The following PXMP2 variants were observed in gnomAD, a reference collection of about 807,000 sequenced individuals.
PXMP2 encodes peroxisomal membrane protein 2.
A neutral mutation model predicts 20.2 loss-of-function variants in PXMP2; 13 were observed. The observed-to-expected ratio is 0.64, with a 90% CI of 0.42 to 1.02. The LOEUF is 1.02. PXMP2 is among the 50% of genes least tolerant of loss of function. PXMP2 has a pLI of 0.00. For missense variants in PXMP2, 284 were observed against 251.8 expected, an observed-to-expected ratio of 1.13 and a Z score of -0.87; for synonymous variants, 113 against 111.2, an observed-to-expected ratio of 1.02 and a Z score of -0.10.
At chr12:132,695,501 G>T (rs1267637931) in intron 2 of PXMP2, among the ~76,000 whole-genome samples, 3 of 152,178 alleles carry the variant, frequency 2.0e-5, no homozygotes, top group Admixed American at 6.5e-5. Flanking sequence ...CTGCCTTCTA[G>T]GGGGGACGAG....
chr12:132,690,738 G>A (rs1370307033), intron 2 of PXMP2, among the ~76,000 whole-genome samples: 1 of 152,008 alleles, frequency 6.6e-6, no homozygotes, highest in Non-Finnish European at 1.5e-5. Flanking sequence ...GTAGAGATGG[G>A]GTTTCACCAT....
chr12:132,693,067 G>C (rs1209954314), intron 2 of PXMP2, among the ~76,000 whole-genome samples: 4 of 35,182 alleles, frequency 1.1e-4, no homozygotes, highest in Admixed American at 2.1e-4. Context: ...CCCTTAGCCA[G>C]TTAGTTAGTG....
At chr12:132,692,132 C>G (rs1565990290) in intron 2 of PXMP2, among the ~76,000 whole-genome samples, 6 of 133,098 alleles carry the variant, frequency 4.5e-5, no homozygotes, top group Non-Finnish European at 5.1e-5. Context: ...GCTCCCTTAG[C>G]CAGTTAGTTA....
chr12:132,690,613 C>T (rs1406285757), intron 2 of PXMP2, among the ~76,000 whole-genome samples: 1 of 151,938 alleles, frequency 6.6e-6, no homozygotes, highest in Non-Finnish European at 1.5e-5. Context: ...CTCTGTCACC[C>T]AGGCTTACTG....
chr12:132,694,636 C>G (rs1456642347), intron 2 of PXMP2, among the ~76,000 whole-genome samples: 1 of 119,614 alleles, frequency 8.4e-6, no homozygotes, highest in Non-Finnish European at 1.7e-5. Context: ...TTAGAGAGCT[C>G]CCTTGCCAGT....
intron 4 of PXMP2, chr12:132,702,323 A>T (rs2136068844): frequency 5.1e-6 from 1 of 194,810 alleles, no homozygotes; most frequent in South Asian, 5.9e-5. Context: ...TGCATGAAGG[A>T]GCTGCTGTGG....
chr12:132,690,195 T>C, intron 1 of PXMP2, 68 bp from the exon 2 acceptor site: 3 of 1,309,070 alleles, frequency 2.3e-6, no homozygotes, highest in Non-Finnish European at 3.3e-6. Flanking sequence ...GCCCTGCTAA[T>C]TCACCTATGG....
At chr12:132,704,539 A>G in intron 4 of PXMP2, 80 bp from the exon 5 acceptor site, 1 of 1,177,298 alleles carries the variant, frequency 8.5e-7, no homozygotes, top group Non-Finnish European at 1.1e-6. Context: ...CGGGTAAACA[A>G]ATGAACTGGG....
At chr12:132,690,152 C>T in intron 1 of PXMP2, 111 bp from the exon 2 acceptor site, 2 of 780,680 alleles carry the variant, frequency 2.6e-6, no homozygotes, top group East Asian at 4.9e-5. Context: ...AGAATTCCTA[C>T]CCCCCGCCCA....
chr12:132,704,624 G>A lies in PXMP2; in HGVS notation c.525G>A (p.Arg175=). ...ININYVPLKF[R]VLFANLAALF... Reference sequence around the variant, plus strand: ...TGGACTGTTCTTTTCGGCAGTTCCGGGTGCTCTTCGCCAACCTGGCAGCTC... The same window carrying A: ...TGGACTGTTCTTTTCGGCAGTTCCGAGTGCTCTTCGCCAACCTGGCAGCTC... The change falls in exon 5 of 5, where the codon CGG becomes CGA. Residue 175 remains arginine (R), a synonymous_variant. Coordinates refer to ENST00000317479, the MANE Select transcript of PXMP2 (RefSeq NM_018663.3). 2 of 1,451,294 alleles carry A rather than the reference G, an allele frequency of 1.4e-6. No homozygotes were observed. Among genetic ancestry groups the A allele is most frequent in the Non-Finnish European group, 1.8e-6 (2 of 1,095,788 alleles). The allele number at this position is 1,451,294 out of a possible 1,614,324, so 89.9% of individuals were successfully genotyped here.
chr12:132,699,384 C>T (rs2043426270), intron 3 of PXMP2, among the ~76,000 whole-genome samples: 1 of 152,072 alleles, frequency 6.6e-6, no homozygotes, highest in Non-Finnish European at 1.5e-5. Flanking sequence ...GCACTCCAGC[C>T]AGCATGGGCA....
rs1027123209 is a variant in PXMP2, at chr12:132,704,709, G to A, written c.*22G>A. 6.9e-6 allele frequency: 11 copies of A among 1,590,220 alleles called. No individual in the cohort carries two copies. The highest frequency in any genetic ancestry group is 4.6e-5 in the East Asian group (2 of 43,742). ...GTGACGACCGCTGGGAGAACATCAG[G>A]TGCACTGTGGACGTGGGTCTGGGGG... On this transcript the variant is annotated 3_prime_UTR_variant, in exon 5 of 5. Transcript: ENST00000317479.
At chr12:132,704,471 G>A (rs1295176420) in intron 4 of PXMP2, 148 bp from the exon 5 acceptor site, 10 of 532,976 alleles carry the variant, frequency 1.9e-5, no homozygotes, top group South Asian at 9.2e-5. Context: ...CGTTTGGTAC[G>A]AACAAAGGCT....
At chr12:132,703,160 T>C (rs2043452050) in intron 4 of PXMP2, among the ~76,000 whole-genome samples, 1 of 152,162 alleles carries the variant, frequency 6.6e-6, no homozygotes, top group Non-Finnish European at 1.5e-5. Flanking sequence ...GGGCCAGGCA[T>C]GGTGGCTCAT....
intron 1 of PXMP2, among the ~76,000 whole-genome samples, chr12:132,689,524 C>G (rs1467338877): frequency 6.6e-6 from 1 of 152,102 alleles, no homozygotes; most frequent in Non-Finnish European, 1.5e-5. Context: ...GAAAGTGAAC[C>G]CTGAGCAAGA....
chr12:132,704,132 A>G (rs892852583), intron 4 of PXMP2, among the ~76,000 whole-genome samples: 1 of 152,194 alleles, frequency 6.6e-6, no homozygotes, highest in African/African-American at 2.4e-5. Context: ...CGTGCCAGGG[A>G]GAGACTCAGC....
At chr12:132,702,761 T>G (rs2043449899) in intron 4 of PXMP2, among the ~76,000 whole-genome samples, 2 of 152,166 alleles carry the variant, frequency 1.3e-5, no homozygotes, top group South Asian at 4.1e-4. Flanking sequence ...AGGGAGGACC[T>G]GAACAGGCCT....
At chr12:132,697,416 T>TA (rs200527545) in intron 3 of PXMP2, among the ~76,000 whole-genome samples, 5 of 94,310 alleles carry the variant, frequency 5.3e-5, no homozygotes, top group Middle Eastern at 6.3e-3. Flanking sequence ...TTTATTTATT[T>TA]TTTATTTTTG....
intron 2 of PXMP2, among the ~76,000 whole-genome samples, chr12:132,694,748 CTCCCTTAGTCAGTTAGTGAGT>C (rs1198688184): frequency 1.5e-4 from 15 of 102,382 alleles, no homozygotes; most frequent in African/African-American, 3.6e-4. Context: ...AGTTAGTGAG[CTCCCTTAGTCAGTTAGTGAGT>C]GCCCTTGCCA....
Sources: allele counts gnomAD v4.1 joint callset (sites outside exome capture counted in the v4.1 genomes callset), GRCh38; gene constraint gnomAD v4.1.1; transcripts MANE v1.5; gene names NCBI Gene and HGNC (gene_info 2026-07-23, HGNC 2026-07-21).